The following RASGRF1 variants were observed in gnomAD, a reference collection of about 807,000 sequenced individuals.
RASGRF1 encodes ras-specific guanine nucleotide-releasing factor 1.
A neutral mutation model predicts 138.7 loss-of-function variants in RASGRF1; 40 were observed. The observed-to-expected ratio is 0.29, with a 90% CI of 0.22 to 0.38. The LOEUF is 0.38. RASGRF1 is among the 10% of genes least tolerant of loss of function. The probability of loss-of-function intolerance (pLI) is 1.00; values close to 1 mark genes in which losing one functional copy is unlikely to be tolerated. For missense variants in RASGRF1, 1,108 were observed against 1,650.4 expected (o/e 0.67, Z 5.69); for synonymous variants, 614 against 663.2 (o/e 0.93, Z 1.14).
At chr15:79,028,809 T>C (rs1298397499) in intron 8 of RASGRF1, among the ~76,000 whole-genome samples, 1 of 152,238 alleles carries the variant, frequency 6.6e-6, no homozygotes, top group Non-Finnish European at 1.5e-5. Context: ...ATGTGCGGCT[T>C]ACAAACTTCT....
intron 1 of RASGRF1, among the ~76,000 whole-genome samples, chr15:79,074,853 C>A (rs2057811952): frequency 6.6e-6 from 1 of 152,196 alleles, no homozygotes; most frequent in South Asian, 2.1e-4. Flanking sequence ...CCACCTGGGG[C>A]CTCCACAGAG....
intron 26 of RASGRF1, among the ~76,000 whole-genome samples, chr15:78,971,136 T>TA (rs1351211191): frequency 6.6e-6 from 1 of 152,174 alleles, no homozygotes; most frequent in African/African-American, 2.4e-5. Flanking sequence ...CCTACTCCAG[T>TA]AAGGCTCTCT....
intron 1 of RASGRF1, among the ~76,000 whole-genome samples, chr15:79,087,542 C>T (rs1595983233): frequency 6.6e-6 from 1 of 152,200 alleles, no homozygotes; most frequent in South Asian, 2.1e-4. Flanking sequence ...GCTTCGTAGA[C>T]GCCTCTCAAC....
At chr15:79,045,830 G>T (rs1002874627) in intron 5 of RASGRF1, among the ~76,000 whole-genome samples, 1 of 152,248 alleles carries the variant, frequency 6.6e-6, no homozygotes, top group Non-Finnish European at 1.5e-5. Flanking sequence ...AAATATTCAT[G>T]CAGAGGGCTT....
At chr15:79,030,898 G>A (rs1264235493) in intron 8 of RASGRF1, among the ~76,000 whole-genome samples, 2 of 152,358 alleles carry the variant, frequency 1.3e-5, no homozygotes, top group East Asian at 1.9e-4. Context: ...CTGGGCTTCA[G>A]GGGCTGAAAG....
rs71148586 is a variant in RASGRF1 at position 79,033,581 on chromosome 15, C to CTTTTTTT, written c.959-1272_959-1266dup. Among the ~76,000 whole-genome samples, 225 of 93,902 alleles carry CTTTTTTT rather than the reference C, an allele frequency of 2.4e-3. 1 individual carries two copies. Among genetic ancestry groups the CTTTTTTT allele is most frequent in the East Asian group, 2.6e-3 (8 of 3,096 alleles). The allele number at this position is 93,902 out of a possible 152,430, so 61.6% of individuals were successfully genotyped here. ...ACATCTTCTTCTTCTTTTTTCTTTT[C>CTTTTTTT]TTTTTTTTTTTTTTTTTTTTTGAGA... On this transcript the variant is annotated intron_variant, in intron 6 of 26. Transcript: ENST00000558480.
At chr15:79,039,461 A>G (rs1405890517) in intron 5 of RASGRF1, among the ~76,000 whole-genome samples, 2 of 151,784 alleles carry the variant, frequency 1.3e-5, no homozygotes, top group Non-Finnish European at 2.9e-5. Context: ...ACAGGTGGGG[A>G]ATTCTTTCAT....
At chr15:79,064,662 A>G (rs1179640756) in intron 1 of RASGRF1, 136 bp from the exon 2 acceptor site, 2 of 803,538 alleles carry the variant, frequency 2.5e-6, no homozygotes, top group Non-Finnish European at 4.2e-6. Flanking sequence ...TGTGATAATC[A>G]GAATGCCATT....
intron 1 of RASGRF1, among the ~76,000 whole-genome samples, chr15:79,074,450 C>T (rs1260151121): frequency 6.6e-6 from 1 of 152,228 alleles, no homozygotes; most frequent in Non-Finnish European, 1.5e-5. Flanking sequence ...ATTGCAAGGA[C>T]AGCCTCAGCA....
At chr15:79,031,755 G>A (rs951284502) in intron 7 of RASGRF1, among the ~76,000 whole-genome samples, 8 of 151,688 alleles carry the variant, frequency 5.3e-5, no homozygotes, top group Admixed American at 5.2e-4. Context: ...AGCACGAGGG[G>A]GTGGTGGGAG....
Position 78,985,035 on chromosome 15 carries a change from T to C in RASGRF1, c.3386A>G (p.Lys1129Arg). The C allele has an allele frequency of 6.2e-7, 1 of 1,614,166 alleles. No homozygotes were observed. Among genetic ancestry groups the C allele is most frequent in the South Asian group, 1.1e-5 (1 of 91,078 alleles). Residue 1129 changes from lysine (K) to arginine (R), a missense_variant, in exon 23 of 27, where the codon AAA becomes AGA. Lys to Arg is a conservative substitution (Grantham distance 26, BLOSUM62 2). Coordinates refer to ENST00000558480, the MANE Select transcript of RASGRF1 (RefSeq NM_001145648.3). Reference protein sequence around the residue: ...SMNRSAIFRLKKTWLKVSKQT... With the variant: ...SMNRSAIFRLRKTWLKVSKQT... Reference sequence around the variant, plus strand: ...CTTAGAGACTTTGAGCCACGTCTTTTTGAGCCGGAAGATTGCACTGCGGTT... The same window carrying C: ...CTTAGAGACTTTGAGCCACGTCTTTCTGAGCCGGAAGATTGCACTGCGGTT...
chr15:79,049,966 T>A lies in RASGRF1; in HGVS notation c.532-378A>T, dbSNP rs115849398. On this transcript the variant is annotated intron_variant, in intron 3 of 26. Transcript: ENST00000558480. ...TCCCCAAACAACCGGTCCCTTTTTT[T>A]AAAAATAATTTTTGCTGTGATAAAA... is the stretch of plus-strand genomic sequence containing the variant. Among the ~76,000 whole-genome samples the A allele has an allele frequency of 6.1e-3, 936 of 152,324 alleles. 7 individuals carry two copies. Among genetic ancestry groups the A allele is most frequent in the African/African-American group, 0.021 (854 of 41,562 alleles).
chr15:78,995,724 G>C lies in RASGRF1; in HGVS notation c.3027+16C>G. On this transcript the variant is annotated intron_variant, in intron 20 of 26. Coordinates refer to ENST00000558480, the MANE Select transcript of RASGRF1 (RefSeq NM_001145648.3). ...GGAGGAAAGCCTTGGAAAGCAAGAG[G>C]GCAGGCCCAGCTCACCATCTGCGTG... 2 of 1,614,102 alleles carry C rather than the reference G, an allele frequency of 1.2e-6. No individual in the cohort carries two copies. Among genetic ancestry groups the C allele is most frequent in the Non-Finnish European group, 8.5e-7 (1 of 1,179,986 alleles).
chr15:79,022,704 A>G (rs2056978641), intron 10 of RASGRF1, among the ~76,000 whole-genome samples: 1 of 152,192 alleles, frequency 6.6e-6, no homozygotes, highest in African/African-American at 2.4e-5. Flanking sequence ...AAACAGAAGT[A>G]TTCAATATTT....
At chr15:79,049,676 G>A (rs2057404176) in intron 3 of RASGRF1, 88 bp from the exon 4 acceptor site, 7 of 1,064,830 alleles carry the variant, frequency 6.6e-6, no homozygotes, top group Non-Finnish European at 9.6e-6. Flanking sequence ...GAACAGGGTG[G>A]CAGCCGAGTG....
In RASGRF1 at chr15:79,090,654, G is replaced by C; in HGVS notation, c.-156C>G. ...AAATATCTACACTCCAGGATCTGGC[G>C]CCGAGCCGCGGCTTCTTGAATCCAG... On this transcript the variant is annotated 5_prime_UTR_variant, in exon 1 of 27. Transcript: ENST00000558480. 9.6e-7 allele frequency: 1 copy of C among 1,046,006 alleles called. No homozygotes were observed. The highest frequency in any genetic ancestry group is 1.6e-5 in the South Asian group (1 of 61,572). 64.8% of individuals were successfully genotyped at this position (1,046,006 alleles called of 1,614,324 possible). A position where few individuals can be genotyped will look rare whatever the true frequency, so the allele number is the denominator to read the frequency against.
chr15:79,084,111 C>T (rs770993849), intron 1 of RASGRF1, among the ~76,000 whole-genome samples: 1 of 152,202 alleles, frequency 6.6e-6, no homozygotes, highest in Non-Finnish European at 1.5e-5. Context: ...AATGGGACTG[C>T]TCTGATTGAT....
chr15:78,968,092 T>A (rs1167110186), intron 26 of RASGRF1, among the ~76,000 whole-genome samples: 3 of 151,924 alleles, frequency 2.0e-5, no homozygotes, highest in East Asian at 1.9e-4. Context: ...TTTGAAAAAA[T>A]TTTTTTTCAT....
Position 78,973,439 on chromosome 15 carries a change from T to A in RASGRF1, c.3495-19A>T. ...GTCACAACTTGGAAGCAAACGGCATTAACACAAGTTTTTCATTTTAAAAAA... is the reference window on the plus strand; with the variant it reads ...GTCACAACTTGGAAGCAAACGGCATAAACACAAGTTTTTCATTTTAAAAAA... On this transcript the variant is annotated intron_variant, in intron 24 of 26. Coordinates refer to ENST00000558480, the MANE Select transcript of RASGRF1 (RefSeq NM_001145648.3). This position sits in a 1 kb window ranked among gnomAD's most constrained non-coding sequence, Gnocchi z 4.9. 6.5e-7 allele frequency: 1 copy of A among 1,535,466 alleles called. No homozygotes were observed. The highest frequency in any genetic ancestry group is 9.0e-7 in the Non-Finnish European group (1 of 1,116,200).
Sources: gnomAD v4.1 joint callset for allele counts (sites outside exome capture counted in the v4.1 genomes callset) on GRCh38, gnomAD v4.1.1 for gene constraint, Gnocchi (gnomAD v3.1) non-coding constraint, MANE v1.5 for transcripts, NCBI Gene and HGNC (gene_info 2026-07-23, HGNC 2026-07-21) for gene names.